CDK14: variants seen among roughly 807,000 people sequenced by gnomAD.
CDK14 encodes the protein cyclin-dependent kinase 14.
Under a neutral mutation model 60.7 loss-of-function variants are expected in CDK14, and 34 were observed. The ratio of observed to expected loss-of-function variants is 0.56; its 90% CI spans 0.43 to 0.75. The LOEUF (loss-of-function observed/expected upper bound fraction) is 0.75, where lower values mean the gene tolerates loss of function less well. Ranked by LOEUF, CDK14 falls within the 30% of genes least tolerant of loss-of-function variation. The probability of loss-of-function intolerance (pLI) is 0.00; values close to 1 mark genes in which losing one functional copy is unlikely to be tolerated. For synonymous variants in CDK14, 197 were observed against 203.7 expected, an observed-to-expected ratio of 0.97 and a Z score of 0.28; for missense variants, 482 against 564.1, an observed-to-expected ratio of 0.85 and a Z score of 1.47.
At chr7:90,662,456 A>C (rs1334870855) in intron 2 of CDK14, among the ~76,000 whole-genome samples, 3 of 152,258 alleles carry the variant, frequency 2.0e-5, no homozygotes, top group African/African-American at 7.2e-5. Flanking sequence ...ACATTTAAAG[A>C]ATCTGTTGCC....
Position 90,950,186 on chromosome 7 carries a change from C to T in CDK14, c.827-5511C>T, listed in dbSNP as rs113503584. Among the ~76,000 whole-genome samples, 156 of 152,258 alleles carry T rather than the reference C, an allele frequency of 1.0e-3. 1 individual carries two copies. The highest frequency in any genetic ancestry group is 1.8e-3 in the Non-Finnish European group (120 of 68,022). On this transcript the variant is annotated intron_variant, in intron 8 of 14. Transcript: ENST00000380050. ...CCGCCTCCTGGGTTCAAGTGATTCTCGTGCCTCAGCCTCTCGAGTACCTGG... is the reference window on the plus strand; with the variant it reads ...CCGCCTCCTGGGTTCAAGTGATTCTTGTGCCTCAGCCTCTCGAGTACCTGG...
intron 14 of CDK14, among the ~76,000 whole-genome samples, chr7:91,138,706 A>G (rs1800357288): frequency 6.6e-6 from 1 of 152,032 alleles, no homozygotes; most frequent in Non-Finnish European, 1.5e-5. Context: ...ATGACAGCTG[A>G]TTGTTAAATG....
At chr7:90,864,695 C>T (rs926446365) in intron 6 of CDK14, among the ~76,000 whole-genome samples, 2 of 152,084 alleles carry the variant, frequency 1.3e-5, no homozygotes, top group Non-Finnish European at 2.9e-5. Flanking sequence ...CTAAAATGTA[C>T]ATATTGGATC....
chr7:90,690,606 G>A (rs962634839), intron 2 of CDK14, among the ~76,000 whole-genome samples: 1 of 152,026 alleles, frequency 6.6e-6, no homozygotes, highest in African/African-American at 2.4e-5. Context: ...TTAGAAGCAC[G>A]AAAGATTGTG....
chr7:91,112,557 C>T lies in CDK14; in HGVS notation c.1170C>T (p.Asn390=). 6.2e-7 allele frequency: 1 copy of T among 1,613,446 alleles called. No individual in the cohort carries two copies. The highest frequency in any genetic ancestry group is 1.1e-5 in the South Asian group (1 of 91,022). ...RQAWNKLSYV[N]HAEDLASKLL... ...ATGTTTTTAGGCTCAGCTATGTGAA[C>T]CATGCAGAGGACCTGGCCTCCAAGC... Residue 390 remains asparagine, a synonymous_variant, in exon 13 of 15, where the codon AAC becomes AAT. Coordinates refer to ENST00000380050, the MANE Select transcript of CDK14 (RefSeq NM_001287135.2).
intron 14 of CDK14, among the ~76,000 whole-genome samples, chr7:91,142,553 A>T (rs1425407377): frequency 6.6e-6 from 1 of 152,246 alleles, no homozygotes; most frequent in Non-Finnish European, 1.5e-5. Flanking sequence ...TGTATAAATA[A>T]TCTAGGCCAC....
chr7:90,964,931 TTG>T, intron 9 of CDK14, among the ~76,000 whole-genome samples: 1 of 152,362 alleles, frequency 6.6e-6, no homozygotes, highest in South Asian at 2.1e-4. Context: ...TTCTTATTAG[TTG>T]TCTTTGCTCT....
At chr7:90,786,670 A>G (rs750121917) in intron 4 of CDK14, among the ~76,000 whole-genome samples, 2 of 152,158 alleles carry the variant, frequency 1.3e-5, no homozygotes, top group Admixed American at 6.5e-5. Flanking sequence ...TAATCCCAGC[A>G]CTTTAGGAGG....
chr7:90,650,394 C>T (rs142398885), intron 2 of CDK14, among the ~76,000 whole-genome samples: 2,356 of 151,204 alleles, frequency 0.016, 88 homozygotes, highest in African/African-American at 0.052. Flanking sequence ...AAATTTTTCT[C>T]CCATTCTGGA....
intron 5 of CDK14, among the ~76,000 whole-genome samples, chr7:90,806,673 G>A (rs1054381279): frequency 1.6e-4 from 24 of 152,188 alleles, no homozygotes; most frequent in African/African-American, 5.8e-4. Flanking sequence ...GCGAGGCATC[G>A]CCTCACCTGG....
At chr7:90,889,911 G>A (rs983015990) in intron 6 of CDK14, among the ~76,000 whole-genome samples, 1 of 152,150 alleles carries the variant, frequency 6.6e-6, no homozygotes, top group Admixed American at 6.5e-5. Context: ...TAATCTAGTT[G>A]TAATTATAAT....
At chr7:91,066,701 C>T (rs1337066956) in intron 11 of CDK14, among the ~76,000 whole-genome samples, 1 of 152,174 alleles carries the variant, frequency 6.6e-6, no homozygotes, top group Non-Finnish European at 1.5e-5. Flanking sequence ...TTACAATATG[C>T]AGCATTGTTC....
At chr7:90,686,143 A>G (rs778690129) in intron 2 of CDK14, among the ~76,000 whole-genome samples, 5 of 152,172 alleles carry the variant, frequency 3.3e-5, no homozygotes, top group African/African-American at 4.8e-5. Context: ...TCTTTTAAAG[A>G]GATTAATACA....
At chr7:90,629,865 AAAAAT>A (rs1219043954) in intron 2 of CDK14, among the ~76,000 whole-genome samples, 3 of 152,212 alleles carry the variant, frequency 2.0e-5, no homozygotes, top group South Asian at 2.1e-4. Flanking sequence ...CATTTCTATT[AAAAAT>A]ACAAAAATTA....
chr7:90,773,664 G>A (rs1057419884), intron 4 of CDK14, among the ~76,000 whole-genome samples: 4 of 152,162 alleles, frequency 2.6e-5, no homozygotes, highest in Non-Finnish European at 5.9e-5. Flanking sequence ...GAGCCACCTC[G>A]CCTGGCTCTA....
chr7:91,056,146 C>G (rs1057009705), intron 11 of CDK14, among the ~76,000 whole-genome samples: 8 of 152,096 alleles, frequency 5.3e-5, no homozygotes, highest in African/African-American at 1.9e-4. Context: ...CCCTCGTCTT[C>G]AAGGTGGGTG....
chr7:90,788,590 CT>C (rs1805698293), intron 4 of CDK14, among the ~76,000 whole-genome samples: 1 of 152,176 alleles, frequency 6.6e-6, no homozygotes, highest in African/African-American at 2.4e-5. Flanking sequence ...TCAGGTCTCC[CT>C]ATCCCATTAC....
rs145158987 is a variant in CDK14, at chr7:90,680,069, A to G, written c.124-46498A>G. On this transcript the variant is annotated intron_variant, in intron 2 of 14. Coordinates refer to ENST00000380050, the MANE Select transcript of CDK14 (RefSeq NM_001287135.2). ...TTATATATAAATAGAATTTTTGTTT[A>G]TATATATGTTTAGTTTATATATATT... Among the ~76,000 whole-genome samples the G allele has an allele frequency of 1.3e-3, 198 of 149,476 alleles. 1 individual carries two copies. Among genetic ancestry groups the G allele is most frequent in the African/African-American group, 4.7e-3 (190 of 40,812 alleles).
At chr7:90,645,549 G>A (rs1441086039) in intron 2 of CDK14, among the ~76,000 whole-genome samples, 1 of 151,998 alleles carries the variant, frequency 6.6e-6, no homozygotes, top group East Asian at 1.9e-4. Context: ...TTAATCTCAT[G>A]ATAACATCAC....
Sources: allele counts gnomAD v4.1 joint callset (sites outside exome capture counted in the v4.1 genomes callset), GRCh38; gene constraint gnomAD v4.1.1; transcripts MANE v1.5; gene names NCBI Gene and HGNC (gene_info 2026-07-23, HGNC 2026-07-21).